NUP133: variants seen among roughly 807,000 people sequenced by gnomAD.
NUP133 encodes nuclear pore complex protein Nup133.
Under a neutral mutation model 146.2 loss-of-function variants are expected in NUP133, and 66 were observed. The observed-to-expected ratio is 0.45, with a 90% CI of 0.37 to 0.55. The LOEUF is 0.55. Among genes scored for constraint, NUP133 ranks in the 20% least tolerant of loss-of-function variants. NUP133 has a pLI of 0.00. For missense variants in NUP133, 1,277 were observed against 1,374.8 expected, an observed-to-expected ratio of 0.93 and a Z score of 1.12; for synonymous variants, 521 against 498.8, an observed-to-expected ratio of 1.04 and a Z score of -0.59.
chr1:229,441,840 C>A lies in NUP133; in HGVS notation c.*64G>T, dbSNP rs759638290. 3.5e-5 allele frequency: 47 copies of A among 1,330,132 alleles called. No individual in the cohort carries two copies. Among genetic ancestry groups the A allele is most frequent in the Non-Finnish European group, 4.6e-5 (45 of 983,824 alleles). 82.4% of individuals were successfully genotyped at this position (1,330,132 alleles called of 1,614,324 possible). A position where few individuals can be genotyped will look rare whatever the true frequency, so the allele number is the denominator to read the frequency against. On this transcript the variant is annotated 3_prime_UTR_variant, in exon 26 of 26. Coordinates refer to ENST00000261396, the MANE Select transcript of NUP133 (RefSeq NM_018230.3). ...TGTACAAACTTACACTTGTTTATGG[C>A]CTAAAATTTGTATAAGGACACACTT...
chr1:229,444,822 G>C, intron 25 of NUP133, 92 bp downstream of exon 25: 1 of 800,264 alleles, frequency 1.2e-6, no homozygotes, highest in South Asian at 1.6e-5. Flanking sequence ...ACTCCAGCCT[G>C]AGTGACAGAG....
At chr1:229,480,951 T>A (rs1194835066) in intron 12 of NUP133, among the ~76,000 whole-genome samples, 1 of 151,202 alleles carries the variant, frequency 6.6e-6, no homozygotes, top group African/African-American at 2.4e-5. Context: ...TGCCTTGGCC[T>A]CCAAAGTACT....
chr1:229,456,862 C>CT (rs1204935666), intron 21 of NUP133, among the ~76,000 whole-genome samples: 1 of 145,266 alleles, frequency 6.9e-6, no homozygotes, highest in Admixed American at 7.0e-5. Flanking sequence ...GAGTTTTGCT[C>CT]TGTTGCCCCA....
intron 24 of NUP133, 95 bp from the exon 25 acceptor site, chr1:229,445,097 TG>T: frequency 1.1e-6 from 1 of 890,804 alleles, no homozygotes; most frequent in South Asian, 1.5e-5. Flanking sequence ...TTGATGGCTG[TG>T]GGGGATGGAG....
chr1:229,442,714 C>CTTT (rs67964058), intron 25 of NUP133, among the ~76,000 whole-genome samples: 1 of 126,490 alleles, frequency 7.9e-6, no homozygotes, highest in Non-Finnish European at 1.7e-5. Context: ...TTTTTTGGTT[C>CTTT]TTTTTTTTTT....
Position 229,458,711 on chromosome 1 carries a change from A to ATT in NUP133, c.2845-417_2845-416dup, listed in dbSNP as rs11444377. Among the ~76,000 whole-genome samples, 286 of 133,028 alleles carry ATT rather than the reference A, an allele frequency of 2.1e-3. 2 individuals carry two copies. Among genetic ancestry groups the ATT allele is most frequent in the Middle Eastern group, 3.9e-3 (1 of 254 alleles). 87.3% of individuals were successfully genotyped at this position (133,028 alleles called of 152,430 possible). A position where few individuals can be genotyped will look rare whatever the true frequency, so the allele number is the denominator to read the frequency against. On this transcript the variant is annotated intron_variant, in intron 20 of 25. Transcript: ENST00000261396. ...GTGATGTCAAATCATGATGGACTAC[A>ATT]TTTTTTTTTTTTTTTTTTTGAGAGA... is the stretch of plus-strand genomic sequence containing the variant.
chr1:229,485,354 G>C (rs1210397862), intron 11 of NUP133, among the ~76,000 whole-genome samples: 1 of 152,192 alleles, frequency 6.6e-6, no homozygotes, highest in Non-Finnish European at 1.5e-5. Context: ...TGTGCAGATG[G>C]AAGGTTTCTG....
chr1:229,461,070 G>A (rs1191282118), intron 19 of NUP133, among the ~76,000 whole-genome samples: 1 of 152,158 alleles, frequency 6.6e-6, no homozygotes, highest in East Asian at 1.9e-4. Context: ...AAATTAGCTT[G>A]AAATTTAAAA....
intron 2 of NUP133, among the ~76,000 whole-genome samples, chr1:229,502,726 A>G (rs1396414117): frequency 1.3e-5 from 2 of 151,386 alleles, no homozygotes; most frequent in Non-Finnish European, 2.9e-5. Flanking sequence ...TATAAATCCC[A>G]ATATTTTGGG....
intron 20 of NUP133, 140 bp from the exon 21 acceptor site, chr1:229,458,436 T>G (rs1194281948): frequency 1.5e-6 from 1 of 680,356 alleles, no homozygotes; most frequent in African/African-American, 1.8e-5. Flanking sequence ...ACCTAAAAAC[T>G]GAGCAGTACG....
chr1:229,447,941 G>C (rs1258445946), intron 24 of NUP133, among the ~76,000 whole-genome samples: 1 of 152,156 alleles, frequency 6.6e-6, no homozygotes, highest in Non-Finnish European at 1.5e-5. Context: ...CCACTGATAA[G>C]ACAGGATGTG....
intron 1 of NUP133, among the ~76,000 whole-genome samples, chr1:229,507,353 T>C (rs961322404): frequency 6.6e-6 from 1 of 152,212 alleles, no homozygotes; most frequent in Non-Finnish European, 1.5e-5. Context: ...GAAAAATTCA[T>C]TTTTTATAGA....
intron 8 of NUP133, 98 bp from the exon 9 acceptor site, chr1:229,490,200 C>T (rs1334477145): frequency 1.0e-6 from 1 of 1,002,346 alleles, no homozygotes; most frequent in African/African-American, 1.7e-5. Flanking sequence ...TTAGCAATCC[C>T]ATTCGTGGAC....
At chr1:229,491,083 G>A (rs936038190) in intron 8 of NUP133, among the ~76,000 whole-genome samples, 20 of 152,114 alleles carry the variant, frequency 1.3e-4, no homozygotes, top group African/African-American at 4.6e-4. Context: ...CCAGGGATTG[G>A]CAAAGTACAG....
chr1:229,452,054 CAA>C (rs1003923749), intron 22 of NUP133, among the ~76,000 whole-genome samples: 18 of 152,158 alleles, frequency 1.2e-4, no homozygotes, highest in Non-Finnish European at 2.6e-4. Flanking sequence ...ATCACTCTGG[CAA>C]AGAGATGCTT....
chr1:229,481,574 A>G (rs2102770674), intron 12 of NUP133, among the ~76,000 whole-genome samples: 1 of 151,748 alleles, frequency 6.6e-6, no homozygotes, highest in African/African-American at 2.4e-5. Context: ...CGGGCATGGC[A>G]GTGTGCACCT....
chr1:229,440,280 A>T lies in NUP133; in HGVS notation c.*1624T>A, dbSNP rs914324373. On this transcript the variant is annotated 3_prime_UTR_variant, in exon 26 of 26. Transcript: ENST00000261396. ...AATCCTAGGTCTTAATTTCATTTTT[A>T]CTGTTAAAATAATTTTTAAAAACTC... The T allele has an allele frequency of 1.3e-5, 2 of 152,224 alleles. No individual in the cohort carries two copies. Among genetic ancestry groups the T allele is most frequent in the African/African-American group, 4.8e-5 (2 of 41,454 alleles). The allele number at this position is 152,224 out of a possible 1,614,324, so 9.4% of individuals were successfully genotyped here.
chr1:229,484,708 T>C lies in NUP133; in HGVS notation c.1501-563A>G, dbSNP rs1661304658. On this transcript the variant is annotated intron_variant, in intron 11 of 25. Coordinates refer to ENST00000261396, the MANE Select transcript of NUP133 (RefSeq NM_018230.3). ...GTTGATTACAAATTTAAACAACGGTTTAGAAAAATTTTAAAGAAATGGAAT... is the reference window on the plus strand; with the variant it reads ...GTTGATTACAAATTTAAACAACGGTCTAGAAAAATTTTAAAGAAATGGAAT... Among the ~76,000 whole-genome samples, 3 of 152,314 alleles carry C rather than the reference T, an allele frequency of 2.0e-5. No homozygotes were observed. In the South Asian group the frequency reaches 6.2e-4, roughly 32 times the overall value.
intron 25 of NUP133, among the ~76,000 whole-genome samples, chr1:229,444,339 GAA>G (rs894824434): frequency 1.1e-4 from 16 of 146,088 alleles, no homozygotes; most frequent in African/African-American, 3.8e-4. Flanking sequence ...TCAAAAAAAA[GAA>G]AAAAAAAAGT....
Sources: allele counts gnomAD v4.1 joint callset (sites outside exome capture counted in the v4.1 genomes callset), GRCh38; gene constraint gnomAD v4.1.1; transcripts MANE v1.5; gene names NCBI Gene and HGNC (gene_info 2026-07-23, HGNC 2026-07-21).